The following TTLL11 variants were observed in gnomAD, a reference collection of about 807,000 sequenced individuals.
TTLL11 encodes the protein tubulin tyrosine ligase like 11, also known as tubulin polyglutamylase TTLL11.
In TTLL11, 42 loss-of-function variants were observed where a neutral mutation model predicts 51.7. That is an observed-to-expected ratio of 0.81 (90% confidence interval 0.64 to 1.05). The LOEUF (loss-of-function observed/expected upper bound fraction) is 1.05. Among genes scored for constraint, TTLL11 ranks in the 50% least tolerant of loss-of-function variants. The pLI is 0.00. For synonymous variants in TTLL11, 381 were observed against 383.5 expected (o/e 0.99, Z 0.08); for missense variants, 799 against 940.4 (o/e 0.85, Z 1.97).
chr9:121,921,789 G>A (rs1019269976), intron 6 of TTLL11, among the ~76,000 whole-genome samples: 16 of 152,212 alleles, frequency 1.1e-4, no homozygotes, highest in Non-Finnish European at 2.1e-4. Flanking sequence ...AGGCCTGCAA[G>A]GAAGCCTTGG....
intron 3 of TTLL11, among the ~76,000 whole-genome samples, chr9:121,990,883 C>T (rs568589890): frequency 3.0e-4 from 46 of 152,244 alleles, no homozygotes; most frequent in African/African-American, 1.0e-3. Flanking sequence ...TCGATCTGGA[C>T]CTGTGGGTCT....
At chr9:122,077,213 A>T (rs188001876) in intron 1 of TTLL11, among the ~76,000 whole-genome samples, 2 of 152,328 alleles carry the variant, frequency 1.3e-5, no homozygotes, top group African/African-American at 2.4e-5. Context: ...GCAAACAAAG[A>T]AAATGGCAAA....
chr9:122,036,545 T>C (rs1844709421), intron 2 of TTLL11, among the ~76,000 whole-genome samples: 1 of 151,948 alleles, frequency 6.6e-6, no homozygotes. Flanking sequence ...TCAGCCAAAA[T>C]ATAATAATGT....
chr9:122,056,648 A>G (rs994490912), intron 1 of TTLL11, among the ~76,000 whole-genome samples: 1 of 152,114 alleles, frequency 6.6e-6, no homozygotes, highest in Non-Finnish European at 1.5e-5. Flanking sequence ...TCCTAGGCCC[A>G]TTCTTGGGAG....
chr9:121,926,022 C>CA (rs1161320252), intron 6 of TTLL11, among the ~76,000 whole-genome samples: 1 of 152,216 alleles, frequency 6.6e-6, no homozygotes, highest in East Asian at 1.9e-4. Flanking sequence ...GTGTTCCTCT[C>CA]AAAAAGATAC....
At chr9:122,025,037 T>A (rs1407252241) in intron 3 of TTLL11, among the ~76,000 whole-genome samples, 5 of 151,442 alleles carry the variant, frequency 3.3e-5, no homozygotes, top group Non-Finnish European at 1.5e-5. Flanking sequence ...TATTAAAAAT[T>A]AAAAAATAAA....
chr9:121,898,124 G>C (rs1001326247), intron 6 of TTLL11, among the ~76,000 whole-genome samples: 4 of 152,008 alleles, frequency 2.6e-5, no homozygotes, highest in African/African-American at 9.7e-5. Context: ...CACCATGTTG[G>C]CCAGGCTGGT....
intron 3 of TTLL11, among the ~76,000 whole-genome samples, chr9:122,020,560 G>C (rs74669552): frequency 2.0e-5 from 3 of 152,224 alleles, no homozygotes; most frequent in South Asian, 2.1e-4. Flanking sequence ...AGAATCCTGC[G>C]AGGGTTGCTA....
intron 1 of TTLL11, among the ~76,000 whole-genome samples, chr9:122,066,159 G>T (rs1845576180): frequency 1.3e-5 from 2 of 151,868 alleles, no homozygotes; most frequent in African/African-American, 4.8e-5. Context: ...AGTGACACCA[G>T]CTCAAAGGCT....
chr9:122,064,216 A>G (rs1845510946), intron 1 of TTLL11, among the ~76,000 whole-genome samples: 1 of 152,244 alleles, frequency 6.6e-6, no homozygotes, highest in South Asian at 2.1e-4. Flanking sequence ...TGCTATCCAC[A>G]GGAAATCAAG....
intron 4 of TTLL11, among the ~76,000 whole-genome samples, chr9:121,977,359 T>C (rs185645050): frequency 3.9e-5 from 6 of 152,252 alleles, no homozygotes; most frequent in Non-Finnish European, 7.4e-5. Context: ...AGGATAACAA[T>C]AGCTATCTGT....
chr9:121,870,949 C>T (rs770227254), intron 6 of TTLL11, among the ~76,000 whole-genome samples: 6 of 152,156 alleles, frequency 3.9e-5, no homozygotes, highest in Non-Finnish European at 4.4e-5. Flanking sequence ...GGCAGAGCCA[C>T]GGCTAGAAAT....
chr9:122,022,909 CATACT>C (rs1171159703), intron 3 of TTLL11, among the ~76,000 whole-genome samples: 3 of 151,904 alleles, frequency 2.0e-5, no homozygotes, highest in Middle Eastern at 3.4e-3. Flanking sequence ...ATAAGGTTCT[CATACT>C]ATAAATAAAA....
intron 6 of TTLL11, among the ~76,000 whole-genome samples, chr9:121,884,301 G>A (rs1367131510): frequency 6.6e-6 from 1 of 151,622 alleles, no homozygotes; most frequent in Admixed American, 6.6e-5. Flanking sequence ...CACCCGGTGG[G>A]AGCCAAAGGT....
intron 8 of TTLL11, among the ~76,000 whole-genome samples, chr9:121,827,389 G>A (rs1836844875): frequency 6.6e-6 from 1 of 152,164 alleles, no homozygotes; most frequent in African/African-American, 2.4e-5. Flanking sequence ...TTGCCGAAGG[G>A]TGGGGACGGG....
chr9:121,832,399 T>G (rs1336005272), intron 8 of TTLL11, among the ~76,000 whole-genome samples: 1 of 152,224 alleles, frequency 6.6e-6, no homozygotes, highest in African/African-American at 2.4e-5. Flanking sequence ...TTGGTAACAT[T>G]GCCTTAAAAG....
At chr9:122,089,952 T>C (rs1457006455) in intron 1 of TTLL11, among the ~76,000 whole-genome samples, 1 of 151,992 alleles carries the variant, frequency 6.6e-6, no homozygotes, top group African/African-American at 2.4e-5. Flanking sequence ...CCACATTCAG[T>C]GAATTATGTT....
At position 121,989,228 on chromosome 9, in the gene TTLL11, G is replaced by A. The variant is rs774561697; in HGVS notation, c.1236C>T (p.Ile412=). ...PELKVFYQSD[I]PTGRPGPTCF... Reference sequence around the variant, plus strand: ...ACGTGGGGCCCGGCCTCCCCGTGGGGATGTCTGACTGGTAGAAGACTTTGA... The same window carrying A: ...ACGTGGGGCCCGGCCTCCCCGTGGGAATGTCTGACTGGTAGAAGACTTTGA... The change falls in exon 4 of 9, where the codon ATC becomes ATT. Residue 412 remains isoleucine, a synonymous_variant. Transcript: ENST00000321582. This position sits in a 1 kb window ranked among gnomAD's most constrained non-coding sequence, Gnocchi z 4.2. 24 of 1,613,990 alleles carry A rather than the reference G, an allele frequency of 1.5e-5. No homozygotes were observed. Among genetic ancestry groups the A allele is most frequent in the Non-Finnish European group, 1.9e-5 (23 of 1,179,954 alleles).
At chr9:121,945,865 A>G (rs1286585452) in intron 6 of TTLL11, among the ~76,000 whole-genome samples, 2 of 152,154 alleles carry the variant, frequency 1.3e-5, no homozygotes, top group East Asian at 3.8e-4. Flanking sequence ...TTCCCTGGAA[A>G]GTCACCCTTT....
Sources: allele counts gnomAD v4.1 joint callset (sites outside exome capture counted in the v4.1 genomes callset), GRCh38; gene constraint gnomAD v4.1.1; non-coding constraint Gnocchi (gnomAD v3.1); transcripts MANE v1.5; gene names NCBI Gene and HGNC (gene_info 2026-07-23, HGNC 2026-07-21).